Variants in HMGCLL1 observed in about 807,000 individuals in gnomAD.
The protein encoded by HMGCLL1 is 3-hydroxy-3-methylglutaryl-CoA lyase like 1.
Under a neutral mutation model 39.1 loss-of-function variants are expected in HMGCLL1, and 36 were observed. The observed-to-expected ratio is 0.92, with a 90% CI of 0.71 to 1.22. The LOEUF is 1.22. Ranked by LOEUF, HMGCLL1 falls within the 50% of genes most tolerant of loss-of-function variation. HMGCLL1 has a pLI of 0.00. For missense variants in HMGCLL1, 451 were observed against 416.5 expected (o/e 1.08, Z -0.72); for synonymous variants, 149 against 144.0 (o/e 1.03, Z -0.25).
chr6:55,533,880 C>G (rs552409133), intron 3 of HMGCLL1, among the ~76,000 whole-genome samples: 78 of 24,980 alleles, frequency 3.1e-3, no homozygotes, highest in African/African-American at 8.3e-3. Flanking sequence ...AGCGAGACTC[C>G]GTCTCAAAAA....
chr6:55,543,671 T>C (rs1769781782), intron 1 of HMGCLL1, among the ~76,000 whole-genome samples: 4 of 148,200 alleles, frequency 2.7e-5, no homozygotes, highest in Admixed American at 1.4e-4. Context: ...CAGGGCAACA[T>C]AGTGAAACCT....
intron 7 of HMGCLL1, among the ~76,000 whole-genome samples, chr6:55,469,752 T>C (rs1269829380): frequency 6.6e-6 from 1 of 151,754 alleles, no homozygotes. Flanking sequence ...TCTTATGTCA[T>C]GGGGTTGATG....
chr6:55,530,721 C>T lies in HMGCLL1; in HGVS notation c.297+11008G>A, dbSNP rs533616301. Reference sequence around the variant, plus strand: ...GATATTCGGGATACAATATTACTTTCGGCATTCATGTTTATCTTTCTAAGT... The same window carrying T: ...GATATTCGGGATACAATATTACTTTTGGCATTCATGTTTATCTTTCTAAGT... On this transcript the variant is annotated intron_variant, in intron 3 of 8. Transcript: ENST00000274901. 3.1e-4 allele frequency among the ~76,000 whole-genome samples: 47 copies of T among 152,140 alleles called. 1 individual carries two copies. Among genetic ancestry groups the T allele is most frequent in the African/African-American group, 8.2e-4 (34 of 41,538 alleles).
the HMGCLL1 span, among the ~76,000 whole-genome samples, chr6:55,675,408 A>G: frequency 6.0e-3 from 917 of 152,272 alleles, 10 homozygotes; most frequent in African/African-American, 0.021. Context: ...TATTATATGT[A>G]TTATATTAAC....
chr6:55,575,534 T>G (rs926946663), intron 1 of HMGCLL1, among the ~76,000 whole-genome samples: 1 of 151,696 alleles, frequency 6.6e-6, no homozygotes, highest in Non-Finnish European at 1.5e-5. Context: ...AATATCGAGG[T>G]TTTCAATATT....
intron 7 of HMGCLL1, among the ~76,000 whole-genome samples, chr6:55,448,367 AATAC>A (rs1763945707): frequency 6.7e-6 from 1 of 149,728 alleles, no homozygotes; most frequent in African/African-American, 2.4e-5. Flanking sequence ...TATATACAAA[AATAC>A]ATAATATGAA....
chr6:55,566,900 A>G (rs2127473776), intron 1 of HMGCLL1, among the ~76,000 whole-genome samples: 1 of 152,266 alleles, frequency 6.6e-6, no homozygotes, highest in South Asian at 2.1e-4. Context: ...AATTAAATAC[A>G]TATTTTGCCA....
chr6:55,593,525 G>A, the HMGCLL1 span, among the ~76,000 whole-genome samples: 3 of 152,078 alleles, frequency 2.0e-5, no homozygotes, highest in African/African-American at 4.8e-5. Context: ...TTATCACACA[G>A]CATAATTTAT....
chr6:55,536,811 C>A (rs1156780391), intron 3 of HMGCLL1, among the ~76,000 whole-genome samples: 1 of 152,032 alleles, frequency 6.6e-6, no homozygotes, highest in South Asian at 2.1e-4. Context: ...GTTAGAAAGT[C>A]TTTGCCAAAC....
At chr6:55,466,538 GACA>G (rs1764806603) in intron 7 of HMGCLL1, among the ~76,000 whole-genome samples, 1 of 152,072 alleles carries the variant, frequency 6.6e-6, no homozygotes, top group Non-Finnish European at 1.5e-5. Context: ...GTCTCTACAT[GACA>G]ACATTTGATC....
At chr6:55,588,454 A>T in the HMGCLL1 span, among the ~76,000 whole-genome samples, 1 of 152,160 alleles carries the variant, frequency 6.6e-6, no homozygotes, top group East Asian at 1.9e-4. Flanking sequence ...AGAAAGCAGG[A>T]AAGATCTAAA....
chr6:55,655,252 T>C, the HMGCLL1 span, among the ~76,000 whole-genome samples: 1 of 151,842 alleles, frequency 6.6e-6, no homozygotes, highest in Non-Finnish European at 1.5e-5. Flanking sequence ...AGAGAAAATA[T>C]AATCTACCAG....
chr6:55,672,565 C>T, the HMGCLL1 span, among the ~76,000 whole-genome samples: 2 of 151,634 alleles, frequency 1.3e-5, no homozygotes, highest in Non-Finnish European at 1.5e-5. Flanking sequence ...GTTTCCAGTT[C>T]GAGGGTATGT....
At chr6:55,586,611 T>C in the HMGCLL1 span, among the ~76,000 whole-genome samples, 1 of 151,088 alleles carries the variant, frequency 6.6e-6, no homozygotes, top group Non-Finnish European at 1.5e-5. Context: ...GTTCTCCTTG[T>C]TCAATTCCCA....
At chr6:55,599,145 G>C in the HMGCLL1 span, among the ~76,000 whole-genome samples, 3 of 152,042 alleles carry the variant, frequency 2.0e-5, no homozygotes, top group Non-Finnish European at 4.4e-5. Context: ...GATAGCATTA[G>C]GAGAAACACC....
At chr6:55,542,688 A>G (rs940352284) in intron 1 of HMGCLL1, among the ~76,000 whole-genome samples, 2 of 151,128 alleles carry the variant, frequency 1.3e-5, no homozygotes, top group African/African-American at 4.9e-5. Flanking sequence ...CTGAGGTAGG[A>G]GAATCACTTG....
chr6:55,506,574 T>C (rs1207201101), intron 5 of HMGCLL1, among the ~76,000 whole-genome samples: 3 of 151,712 alleles, frequency 2.0e-5, no homozygotes, highest in African/African-American at 7.3e-5. Context: ...AATAACATGA[T>C]GAAATCTCAT....
chr6:55,505,766 C>T (rs1767123540), intron 5 of HMGCLL1, among the ~76,000 whole-genome samples: 2 of 151,550 alleles, frequency 1.3e-5, no homozygotes, highest in African/African-American at 2.4e-5. Flanking sequence ...CTGTATATGC[C>T]TGTGAGGTTA....
intron 7 of HMGCLL1, among the ~76,000 whole-genome samples, chr6:55,475,490 T>C (rs1174081069): frequency 6.6e-6 from 1 of 151,628 alleles, no homozygotes; most frequent in Non-Finnish European, 1.5e-5. Context: ...GGGCAGAAGT[T>C]TGCTCTTCAA....
Sources: gnomAD v4.1 joint callset for allele counts (sites outside exome capture counted in the v4.1 genomes callset) on GRCh38, gnomAD v4.1.1 for gene constraint, MANE v1.5 for transcripts, NCBI Gene and HGNC (gene_info 2026-07-23, HGNC 2026-07-21) for gene names.